Variants in DNMT1 observed in about 807,000 individuals in gnomAD.
DNMT1 encodes the protein DNA (cytosine-5)-methyltransferase 1.
Under a neutral mutation model 205.3 loss-of-function variants are expected in DNMT1, and 24 were observed. That is an observed-to-expected ratio of 0.12 (90% CI 0.08 to 0.16). The LOEUF (loss-of-function observed/expected upper bound fraction) is 0.16, where lower values mean the gene tolerates loss of function less well. DNMT1 is among the 10% of genes least tolerant of loss of function. The pLI, the probability that DNMT1 is intolerant of heterozygous loss-of-function variation, is 1.00. For missense variants in DNMT1, 1,293 were observed against 2,177.7 expected (o/e 0.59, Z 8.09); for synonymous variants, 817 against 839.8 (o/e 0.97, Z 0.47).
intron 9 of DNMT1, among the ~76,000 whole-genome samples, chr19:10,170,241 C>T (rs941164633): frequency 4.0e-5 from 6 of 151,662 alleles, no homozygotes; most frequent in East Asian, 1.9e-4. Context: ...GCTAAAATTG[C>T]GCCACTTCAC....
chr19:10,139,697 C>T lies in DNMT1; in HGVS notation c.3927G>A (p.Gln1309=), dbSNP rs2030817968. ...TLRCLVRMGY[Q]CTFGVLQAGQ... is the part of the protein sequence containing the mutation. Reference sequence around the variant, plus strand: ...CCACCTGCAGCACGCCGAAGGTGCACTGATAGCCCATGCGGACCAGGCAGC... The same window carrying T: ...CCACCTGCAGCACGCCGAAGGTGCATTGATAGCCCATGCGGACCAGGCAGC... Residue 1309 remains glutamine (Q), a synonymous_variant, in exon 34 of 41, where the codon CAG becomes CAA. Coordinates refer to ENST00000359526, the MANE Select transcript of DNMT1 (RefSeq NM_001130823.3). 3 of 1,613,532 alleles carry T rather than the reference C, an allele frequency of 1.9e-6. No homozygotes were observed. Among genetic ancestry groups the T allele is most frequent in the African/African-American group, 2.7e-5 (2 of 74,924 alleles).
chr19:10,143,621 C>A, intron 29 of DNMT1, 145 bp downstream of exon 29: 2 of 909,674 alleles, frequency 2.2e-6, no homozygotes, highest in Admixed American at 3.6e-5. Context: ...TTATCAGTGC[C>A]CACCGATAAT....
Position 10,140,408 on chromosome 19 carries a change from C to T in DNMT1, c.3524-80G>A, listed in dbSNP as rs1367282341. 12 of 1,549,018 alleles carry T rather than the reference C, an allele frequency of 7.7e-6. No homozygotes were observed. The highest frequency in any genetic ancestry group is 1.0e-5 in the Non-Finnish European group (12 of 1,151,512). The stretch of plus-strand genomic sequence containing the variant: ...TTTTTGAGATGGAGTCTCGCTCTGT[C>T]ACCCAGGCTGGAGTGCAGTGGTGTG... On this transcript the variant is annotated intron_variant, in intron 32 of 40. Coordinates refer to ENST00000359526, the MANE Select transcript of DNMT1 (RefSeq NM_001130823.3). The surrounding 1 kb of genome is among the most constrained non-coding windows in gnomAD (Gnocchi z 8.4).
In DNMT1 at chr19:10,155,839, G is replaced by C; in HGVS notation, c.1492+14C>G. 1 of 1,611,458 alleles carries C rather than the reference G, an allele frequency of 6.2e-7. No individual in the cohort carries two copies. Among genetic ancestry groups the C allele is most frequent in the African/African-American group, 1.3e-5 (1 of 74,994 alleles). The stretch of plus-strand genomic sequence containing the variant: ...TTCAGACCCCGGCCAGCCTATGATG[G>C]GCCACACACTTACAGGTGCTGAAGC... On this transcript the variant is annotated intron_variant, in intron 19 of 40. Coordinates refer to ENST00000359526, the MANE Select transcript of DNMT1 (RefSeq NM_001130823.3).
At chr19:10,184,185 T>C (rs187416003) in intron 1 of DNMT1, 12 of 152,310 alleles carry the variant, frequency 7.9e-5, no homozygotes, top group African/African-American at 2.4e-4. Context: ...GTATGGCCAG[T>C]GTCAGAATGA....
chr19:10,164,911 C>CT (rs2038652378), intron 11 of DNMT1, among the ~76,000 whole-genome samples: 1 of 61,262 alleles, frequency 1.6e-5, no homozygotes, highest in Non-Finnish European at 2.9e-5. Context: ...GAGAGACTAT[C>CT]TTAAAAAAAA....
intron 27 of DNMT1, 95 bp downstream of exon 27, chr19:10,148,789 C>T (rs1017856286): frequency 5.4e-5 from 87 of 1,600,886 alleles, no homozygotes; most frequent in Non-Finnish European, 7.0e-5. Context: ...ACTGGGGGGC[C>T]GTTGGCGGAA....
intron 26 of DNMT1, 123 bp downstream of exon 26, chr19:10,149,330 C>CAAA: frequency 1.3e-5 from 13 of 992,870 alleles, no homozygotes; most frequent in Non-Finnish European, 1.9e-5. Flanking sequence ...AGTCTCAAAA[C>CAAA]AAAAAAAAAA....
At position 10,185,493 on chromosome 19, in the gene DNMT1, G is replaced by A. The variant is rs2039161043; in HGVS notation, c.81-3416C>T. 2.0e-5 allele frequency among the ~76,000 whole-genome samples: 3 copies of A among 150,774 alleles called. 1 individual carries two copies. In the South Asian group the frequency reaches 6.2e-4, roughly 31 times the overall value. ...ACCCTACAAACACAGTGGTAATATA[G>A]ACTGTATATTATATATACTGTATCA... On this transcript the variant is annotated intron_variant, in intron 1 of 40. Transcript: ENST00000359526.
At chr19:10,135,342 T>G in intron 39 of DNMT1, 1 of 268,184 alleles carries the variant, frequency 3.7e-6, no homozygotes, top group Non-Finnish European at 7.4e-6. Context: ...ATGATGAAAA[T>G]ACACTTAACT....
chr19:10,146,242 A>T lies in DNMT1; in HGVS notation c.2894+109T>A. ...CTATGCCAACGTGACGGCTAGGACA[A>T]CAGCTGGTGCGGAGGGATTGGCAAT... On this transcript the variant is annotated intron_variant, in intron 28 of 40. Transcript: ENST00000359526. The surrounding 1 kb of genome is among the most constrained non-coding windows in gnomAD (Gnocchi z 4.4). 7.4e-7 allele frequency: 1 copy of T among 1,353,018 alleles called. No homozygotes were observed. The highest frequency in any genetic ancestry group is 1.0e-6 in the Non-Finnish European group (1 of 982,260). 83.8% of individuals were successfully genotyped at this position (1,353,018 alleles called of 1,614,324 possible).
intron 9 of DNMT1, among the ~76,000 whole-genome samples, chr19:10,169,414 G>A (rs994163639): frequency 3.3e-4 from 49 of 146,630 alleles, no homozygotes; most frequent in African/African-American, 7.3e-4. Context: ...AAAATTAGCC[G>A]GGCGTGTTGG....
chr19:10,152,605 T>G (rs1232966136), intron 22 of DNMT1, among the ~76,000 whole-genome samples: 1 of 151,232 alleles, frequency 6.6e-6, no homozygotes, highest in Non-Finnish European at 1.5e-5. Context: ...AAAATGTTTT[T>G]TTTTAATTAG....
intron 22 of DNMT1, among the ~76,000 whole-genome samples, chr19:10,152,557 C>G (rs2038369879): frequency 1.3e-5 from 2 of 151,754 alleles, no homozygotes; most frequent in South Asian, 4.2e-4. Context: ...TTCAGGCATT[C>G]AAGACCAGCC....
At chr19:10,161,690 G>T (rs1284582779) in intron 13 of DNMT1, among the ~76,000 whole-genome samples, 1 of 152,044 alleles carries the variant, frequency 6.6e-6, no homozygotes, top group Non-Finnish European at 1.5e-5. Flanking sequence ...TTGATGAGGG[G>T]GTATACAGAC....
chr19:10,137,115 C>A lies in DNMT1; in HGVS notation c.4459G>T (p.Ala1487Ser). 1 of 1,612,184 alleles carries A rather than the reference C, an allele frequency of 6.2e-7. No homozygotes were observed. Among genetic ancestry groups the A allele is most frequent in the Non-Finnish European group, 8.5e-7 (1 of 1,179,618 alleles). The change falls in exon 37 of 41, where the codon GCC becomes TCC. Residue 1487 changes from alanine to serine, a missense_variant. This residue lies in a region of DNMT1 where 148 missense variants were observed against 256.1 expected (regional missense o/e 0.58). Transcript: ENST00000359526. The surrounding 1 kb of genome is among the most constrained non-coding windows in gnomAD (Gnocchi z 6.4). The part of the protein sequence containing the change: ...DRKNGRSSSG[A>S]LRGVCSCVEA... The stretch of plus-strand genomic sequence containing the variant: ...ACGCAGGAGCAGACCCCACGGAGGG[C>A]CCCAGAGCTGCTGCGGCCGTTCTTC...
In DNMT1 at chr19:10,194,616, C is replaced by T. The variant is rs563947715; in HGVS notation, c.80+204G>A. On this transcript the variant is annotated intron_variant, in intron 1 of 40. Transcript: ENST00000359526. ...CACCAGGGAGCTACGGGGGAATCCA[C>T]GGTCCATTTTGGCGCCAAACAGCCC... is the stretch of plus-strand genomic sequence containing the variant. The T allele has an allele frequency of 4.1e-5, 24 of 591,458 alleles. No individual in the cohort carries two copies. In the South Asian group the frequency reaches 5.9e-4, roughly 15 times the overall value. 36.6% of individuals were successfully genotyped at this position (591,458 alleles called of 1,614,324 possible).
intron 10 of DNMT1, among the ~76,000 whole-genome samples, chr19:10,167,973 A>AT (rs2038729761): frequency 6.6e-6 from 1 of 151,894 alleles, no homozygotes; most frequent in African/African-American, 2.4e-5. Flanking sequence ...AAATACGAAA[A>AT]TTAGTTGGGC....
chr19:10,166,556 G>T, intron 11 of DNMT1, 42 bp downstream of exon 11: 1 of 1,612,142 alleles, frequency 6.2e-7, no homozygotes, highest in Non-Finnish European at 8.5e-7. Context: ...AACAGGAGCA[G>T]AAGAATGAGG....
Sources: gnomAD v4.1 joint callset for allele counts (sites outside exome capture counted in the v4.1 genomes callset) on GRCh38, gnomAD v4.1.1 for gene constraint, gnomAD v4.1.1 regional missense constraint, Gnocchi (gnomAD v3.1) non-coding constraint, MANE v1.5 for transcripts, NCBI Gene and HGNC (gene_info 2026-07-23, HGNC 2026-07-21) for gene names.